The following PTPRK variants were observed in gnomAD, a reference collection of about 807,000 sequenced individuals.
PTPRK encodes the protein receptor-type tyrosine-protein phosphatase kappa.
Under a neutral mutation model 178.0 loss-of-function variants are expected in PTPRK, and 75 were observed. The ratio of observed to expected loss-of-function variants is 0.42; its 90% CI spans 0.35 to 0.51. The LOEUF (loss-of-function observed/expected upper bound fraction) is 0.51, where lower values mean the gene tolerates loss of function less well. Ranked by LOEUF, PTPRK falls within the 20% of genes least tolerant of loss-of-function variation. The pLI is 0.02. For synonymous variants in PTPRK, 637 were observed against 620.6 expected (o/e 1.03, Z -0.39); for missense variants, 1,441 against 1,797.8 (o/e 0.80, Z 3.59).
chr6:128,192,472 G>A (rs1803967433), intron 6 of PTPRK, among the ~76,000 whole-genome samples: 1 of 152,046 alleles, frequency 6.6e-6, no homozygotes, highest in East Asian at 1.9e-4. Flanking sequence ...ATTATAGAAT[G>A]AATGACTGCC....
intron 1 of PTPRK, among the ~76,000 whole-genome samples, chr6:128,402,772 C>T (rs1163207393): frequency 6.6e-6 from 1 of 152,022 alleles, no homozygotes; most frequent in Non-Finnish European, 1.5e-5. Flanking sequence ...AGGAAAAATT[C>T]CAAGTAGATA....
chr6:128,090,022 T>G (rs1472503658), intron 7 of PTPRK, 30 bp from the exon 8 acceptor site: 6 of 1,505,232 alleles, frequency 4.0e-6, no homozygotes, highest in South Asian at 1.1e-5. Context: ...TGTAGACAGC[T>G]GTCTATTATA....
chr6:128,163,994 A>G (rs1007521007), intron 7 of PTPRK, among the ~76,000 whole-genome samples: 2 of 151,488 alleles, frequency 1.3e-5, no homozygotes, highest in Middle Eastern at 3.2e-3. Flanking sequence ...GGACATGCAT[A>G]GTAAGAATTC....
chr6:128,087,848 C>T (rs1455095548), intron 8 of PTPRK, among the ~76,000 whole-genome samples: 2 of 152,228 alleles, frequency 1.3e-5, no homozygotes, highest in East Asian at 3.9e-4. Context: ...AAAGGGCTCT[C>T]ACTTCTCTTA....
At chr6:128,105,929 G>T (rs894778282) in intron 7 of PTPRK, among the ~76,000 whole-genome samples, 1 of 152,094 alleles carries the variant, frequency 6.6e-6, no homozygotes, top group Admixed American at 6.5e-5. Flanking sequence ...TAATAGCCTA[G>T]AACAAGTTTC....
rs1802434895 is a variant in PTPRK at position 128,184,471 on chromosome 6, G to A, written c.1123C>T (p.Leu375Phe). 5.0e-6 allele frequency: 8 copies of A among 1,613,534 alleles called. No homozygotes were observed. Among genetic ancestry groups the A allele is most frequent in the Non-Finnish European group, 6.8e-6 (8 of 1,179,762 alleles). Residue 375 changes from leucine (L) to phenylalanine (F), a missense_variant, in exon 7 of 30, where the codon CTC becomes TTC. Coordinates refer to ENST00000368226, the MANE Select transcript of PTPRK (RefSeq NM_002844.4). Reference protein sequence around the residue: ...LTRPGEGGTGLPGPPLITRTK... With the variant: ...LTRPGEGGTGFPGPPLITRTK... ...CTGGTGATTAGTGGAGGTCCTGGGA[G>A]CCCCGTTCCACCTTCACCAGGTCTT... is the stretch of plus-strand genomic sequence containing the variant.
At chr6:128,376,072 C>T (rs1457094425) in intron 2 of PTPRK, among the ~76,000 whole-genome samples, 1 of 152,134 alleles carries the variant, frequency 6.6e-6, no homozygotes, top group Non-Finnish European at 1.5e-5. Context: ...TGCAAGCTGT[C>T]AGTGGATCTA....
At chr6:128,252,436 A>G (rs1816612654) in intron 3 of PTPRK, among the ~76,000 whole-genome samples, 1 of 152,214 alleles carries the variant, frequency 6.6e-6, no homozygotes, top group South Asian at 2.1e-4. Context: ...GCAGGTTTAT[A>G]TGTATCAAAA....
chr6:128,075,582 T>C (rs1783660126), intron 11 of PTPRK, among the ~76,000 whole-genome samples: 1 of 152,086 alleles, frequency 6.6e-6, no homozygotes, highest in Non-Finnish European at 1.5e-5. Context: ...CAGTCATTAA[T>C]TTAGGAGTCT....
chr6:128,440,392 C>T (rs1264734986), intron 1 of PTPRK, among the ~76,000 whole-genome samples: 2 of 152,146 alleles, frequency 1.3e-5, no homozygotes, highest in Non-Finnish European at 2.9e-5. Context: ...AAACTCTTTC[C>T]CCCGATTTCA....
chr6:128,004,799 C>A (rs1024937764), intron 15 of PTPRK, among the ~76,000 whole-genome samples: 2 of 151,662 alleles, frequency 1.3e-5, no homozygotes, highest in Non-Finnish European at 2.9e-5. Flanking sequence ...CGTGTATTTC[C>A]ACTTAAAGCA....
rs577194256 is a variant in PTPRK, at chr6:128,453,697, C to T, written c.101-56009G>A. Among the ~76,000 whole-genome samples the T allele has an allele frequency of 3.3e-5, 5 of 152,108 alleles. No individual in the cohort carries two copies. The East Asian group carries it at 9.7e-4, about 29-fold the overall frequency. On this transcript the variant is annotated intron_variant, in intron 1 of 29. Coordinates refer to ENST00000368226, the MANE Select transcript of PTPRK (RefSeq NM_002844.4). ...AATGTGGCAAAAACAAAATAGCCAC[C>T]CTGTAAATGTGCTTTTATAATAAGT...
intron 1 of PTPRK, among the ~76,000 whole-genome samples, chr6:128,417,212 G>A (rs1052874163): frequency 2.0e-5 from 3 of 151,858 alleles, no homozygotes; most frequent in African/African-American, 2.4e-5. Flanking sequence ...GTTTTAACAA[G>A]TGGTCAAGTA....
intron 1 of PTPRK, among the ~76,000 whole-genome samples, chr6:128,413,402 A>G (rs1019759915): frequency 7.9e-5 from 12 of 152,134 alleles, no homozygotes; most frequent in African/African-American, 2.9e-4. Context: ...AAAAAAATCA[A>G]ATGTGAGGAG....
intron 1 of PTPRK, among the ~76,000 whole-genome samples, chr6:128,485,504 T>G (rs771183350): frequency 1.2e-4 from 18 of 152,212 alleles, no homozygotes; most frequent in Non-Finnish European, 1.9e-4. Flanking sequence ...CAATCACTGT[T>G]ATTACAAAGG....
chr6:128,109,613 ATAC>A (rs1438243159), intron 7 of PTPRK, among the ~76,000 whole-genome samples: 2 of 152,172 alleles, frequency 1.3e-5, no homozygotes, highest in Admixed American at 6.5e-5. Context: ...CACAACTTAA[ATAC>A]TTGAAAACTT....
At chr6:128,354,421 G>C (rs71567302) in intron 2 of PTPRK, among the ~76,000 whole-genome samples, 5 of 151,504 alleles carry the variant, frequency 3.3e-5, no homozygotes, top group Non-Finnish European at 7.4e-5. Context: ...ATTTTTAGTA[G>C]AGACGGGGTT....
intron 1 of PTPRK, among the ~76,000 whole-genome samples, chr6:128,487,199 T>C (rs972226166): frequency 2.1e-5 from 3 of 146,238 alleles, no homozygotes; most frequent in Admixed American, 1.4e-4. Context: ...TGTGAGAGGA[T>C]GGCTTTCTGA....
chr6:128,438,657 A>C lies in PTPRK; in HGVS notation c.101-40969T>G, dbSNP rs80006081. 6.5e-3 allele frequency among the ~76,000 whole-genome samples: 983 copies of C among 152,332 alleles called. 12 individuals carry two copies. Among genetic ancestry groups the C allele is most frequent in the African/African-American group, 0.022 (921 of 41,574 alleles). On this transcript the variant is annotated intron_variant, in intron 1 of 29. Coordinates refer to ENST00000368226, the MANE Select transcript of PTPRK (RefSeq NM_002844.4). ...TATCAACTTACAAAAAGATACAAACAGTGAACTAGGGCTGCCCCAGGTGCC... is the reference window on the plus strand; with the variant it reads ...TATCAACTTACAAAAAGATACAAACCGTGAACTAGGGCTGCCCCAGGTGCC...
Sources: allele counts gnomAD v4.1 joint callset (sites outside exome capture counted in the v4.1 genomes callset), GRCh38; gene constraint gnomAD v4.1.1; transcripts MANE v1.5; gene names NCBI Gene and HGNC (gene_info 2026-07-23, HGNC 2026-07-21).